The following SYNGR4 variants were observed in gnomAD, a reference collection of about 807,000 sequenced individuals.
SYNGR4 encodes the protein synaptogyrin 4.
A neutral mutation model predicts 15.5 loss-of-function variants in SYNGR4; 15 were observed. That is an observed-to-expected ratio of 0.97 (90% CI 0.65 to 1.49). The LOEUF is 1.49. Among genes scored for constraint, SYNGR4 ranks in the 40% most tolerant of loss-of-function variants. SYNGR4 has a pLI of 0.00. For missense variants in SYNGR4, 292 were observed against 299.3 expected (o/e 0.98, Z 0.18); for synonymous variants, 121 against 127.4 (o/e 0.95, Z 0.34).
Position 48,376,370 on chromosome 19 carries a change from T to C in SYNGR4, c.*52T>C, listed in dbSNP as rs529037807. ...AGAATCCTCCCTCCAGAAGGGTTTC[T>C]AAAAACAGCCCTCAGTCCTTCTCAT... On this transcript the variant is annotated 3_prime_UTR_variant, in exon 5 of 5. Transcript: ENST00000344846. 64 of 1,580,762 alleles carry C rather than the reference T, an allele frequency of 4.0e-5. No homozygotes were observed. The East Asian group carries it at 1.5e-3, about 36-fold the overall frequency.
chr19:48,376,082 C>G lies in SYNGR4; in HGVS notation c.472-3C>G. 6.2e-7 allele frequency: 1 copy of G among 1,614,210 alleles called. No individual in the cohort carries two copies. The highest frequency in any genetic ancestry group is 8.5e-7 in the Non-Finnish European group (1 of 1,180,044). On this transcript the variant is annotated splice_region_variant and splice_polypyrimidine_tract_variant and intron_variant, in intron 4 of 4. Transcript: ENST00000344846. Reference sequence around the variant, plus strand: ...CCTTCAGCACGCGCTTTTCTGCCCACAGATATTCCAGGCCTACCTGGCATT... The same window carrying G: ...CCTTCAGCACGCGCTTTTCTGCCCAGAGATATTCCAGGCCTACCTGGCATT...
chr19:48,376,369 C>T lies in SYNGR4; in HGVS notation c.*51C>T, dbSNP rs418035. On this transcript the variant is annotated 3_prime_UTR_variant, in exon 5 of 5. Transcript: ENST00000344846. ...GAGAATCCTCCCTCCAGAAGGGTTT[C>T]TAAAAACAGCCCTCAGTCCTTCTCA... The T allele has an allele frequency of 1.5e-5, 23 of 1,580,680 alleles. No individual in the cohort carries two copies. Among genetic ancestry groups the T allele is most frequent in the Non-Finnish European group, 2.0e-5 (23 of 1,165,466 alleles).
chr19:48,365,705 A>G, intron 1 of SYNGR4, 31 bp from the exon 2 acceptor site: 1 of 515,774 alleles, frequency 1.9e-6, no homozygotes, highest in Non-Finnish European at 2.9e-6. Context: ...CGTGCCCCTG[A>G]CTGGCATCCC....
At position 48,365,717 on chromosome 19, in the gene SYNGR4, C is replaced by A; in HGVS notation, c.-107-19C>A. The A allele has an allele frequency of 9.9e-7, 1 of 1,008,520 alleles. No homozygotes were observed. Among genetic ancestry groups the A allele is most frequent in the East Asian group, 2.5e-5 (1 of 40,010 alleles). 62.5% of individuals were successfully genotyped at this position (1,008,520 alleles called of 1,614,324 possible). On this transcript the variant is annotated intron_variant, in intron 1 of 4. Transcript: ENST00000344846. ...CCCCGTGCCCCTGACTGGCATCCCC[C>A]ATCTGTGTCATCCCACAGCAGCCAA...
In SYNGR4 at chr19:48,376,153, G is replaced by A. The variant is rs1332018703; in HGVS notation, c.540G>A (p.Leu180=). 2 of 1,614,086 alleles carry A rather than the reference G, an allele frequency of 1.2e-6. No individual in the cohort carries two copies. The highest frequency in any genetic ancestry group is 2.2e-5 in the South Asian group (2 of 91,084). The change falls in exon 5 of 5, where the codon CTG becomes CTA. Residue 180 remains leucine, a synonymous_variant. Transcript: ENST00000344846. ...CTCCAGTCCCTTACAAGCGCTTCCT[G>A]GATGAGGGTGGCATGGTGCTGACCA... is the stretch of plus-strand genomic sequence containing the variant. ...NDAPVPYKRF[L]DEGGMVLTTL... is the part of the protein sequence containing the mutation.
At chr19:48,365,669 T>G (rs1273364146) in intron 1 of SYNGR4, 67 bp from the exon 2 acceptor site, 3 of 63,786 alleles carry the variant, frequency 4.7e-5, no homozygotes, top group East Asian at 5.0e-4. Flanking sequence ...CCCCCAATCC[T>G]GGGGCCCCCA....
At chr19:48,367,314 T>C (rs981452738) in intron 2 of SYNGR4, among the ~76,000 whole-genome samples, 2 of 151,642 alleles carry the variant, frequency 1.3e-5, no homozygotes, top group Non-Finnish European at 2.9e-5. Flanking sequence ...GCGCCTGTGG[T>C]CCCAGCTACT....
At chr19:48,370,617 T>C (rs908708702) in intron 2 of SYNGR4, among the ~76,000 whole-genome samples, 19 of 152,228 alleles carry the variant, frequency 1.2e-4, no homozygotes, top group African/African-American at 4.1e-4. Context: ...TGGAGTGCAG[T>C]GGTGCGATCA....
At chr19:48,371,352 C>A (rs2097607405) in intron 2 of SYNGR4, among the ~76,000 whole-genome samples, 1 of 146,464 alleles carries the variant, frequency 6.8e-6, no homozygotes, top group Non-Finnish European at 1.5e-5. Flanking sequence ...TCCCCACCAC[C>A]CCATCTACAC....
At chr19:48,365,676 C>T in intron 1 of SYNGR4, 60 bp from the exon 2 acceptor site, 1 of 569,272 alleles carries the variant, frequency 1.8e-6, no homozygotes, top group South Asian at 2.0e-5. Flanking sequence ...TCCTGGGGCC[C>T]CCAACAGCCC....
chr19:48,365,237 C>T (rs1288434390), intron 1 of SYNGR4, among the ~76,000 whole-genome samples: 7 of 141,176 alleles, frequency 5.0e-5, no homozygotes, highest in Admixed American at 1.4e-4. Flanking sequence ...TCCTGGGACC[C>T]CCAGAAAGCT....
In SYNGR4 at chr19:48,376,088, T is replaced by A. The variant is rs1003788762; in HGVS notation, c.475T>A (p.Phe159Ile). ...FTFFSILVWI[F>I]QAYLAFQDLR... ...GCACGCGCTTTTCTGCCCACAGATA[T>A]TCCAGGCCTACCTGGCATTCCAGGA... The change falls in exon 5 of 5, where the codon TTC becomes ATC. Residue 159 changes from phenylalanine to isoleucine, a missense_variant. Coordinates refer to ENST00000344846, the MANE Select transcript of SYNGR4 (RefSeq NM_012451.4). The A allele has an allele frequency of 6.2e-7, 1 of 1,614,128 alleles. No homozygotes were observed. The highest frequency in any genetic ancestry group is 1.7e-5 in the Admixed American group (1 of 60,008).
chr19:48,376,042 C>A, intron 4 of SYNGR4, 43 bp from the exon 5 acceptor site: 1 of 1,613,764 alleles, frequency 6.2e-7, no homozygotes, highest in Non-Finnish European at 8.5e-7. Flanking sequence ...TCCTGACCTG[C>A]CCAGCCCAAG....
intron 2 of SYNGR4, among the ~76,000 whole-genome samples, chr19:48,367,306 G>A (rs915274257): frequency 5.3e-5 from 8 of 151,804 alleles, no homozygotes; most frequent in Admixed American, 2.6e-4. Context: ...GGTGGCAGGC[G>A]CCTGTGGTCC....
At position 48,365,748 on chromosome 19, in the gene SYNGR4, G is replaced by A. The variant is rs1470054220; in HGVS notation, c.-95G>A. ...TGTCATCCCACAGCAGCCAAGCCCA[G>A]GGCTGGCCTGAAGCCCCCGGACGGC... On this transcript the variant is annotated 5_prime_UTR_variant, in exon 2 of 5. Transcript: ENST00000344846. 35 of 1,236,352 alleles carry A rather than the reference G, an allele frequency of 2.8e-5. No homozygotes were observed. The highest frequency in any genetic ancestry group is 3.8e-5 in the Non-Finnish European group (34 of 885,334). The allele number at this position is 1,236,352 out of a possible 1,614,324, so 76.6% of individuals were successfully genotyped here.
At chr19:48,368,285 T>C (rs1970250445) in intron 2 of SYNGR4, among the ~76,000 whole-genome samples, 1 of 152,168 alleles carries the variant, frequency 6.6e-6, no homozygotes, top group African/African-American at 2.4e-5. Context: ...AATAATCTAC[T>C]CCTAGGAAGA....
Position 48,369,026 on chromosome 19 carries a change from T to C in SYNGR4, c.93+3091T>C, listed in dbSNP as rs150483452. On this transcript the variant is annotated intron_variant, in intron 2 of 4. Transcript: ENST00000344846. ...GGTGGCAAGGAGACGGAAGCCCAGC[T>C]GGTGTGGACTGGTGCGGGGAAGGAG... Among the ~76,000 whole-genome samples, 1,258 of 152,270 alleles carry C rather than the reference T, an allele frequency of 8.3e-3. 23 individuals are homozygous for C. Among genetic ancestry groups the C allele is most frequent in the African/African-American group, 0.029 (1,193 of 41,546 alleles).
chr19:48,367,161 G>A (rs1005718859), intron 2 of SYNGR4, among the ~76,000 whole-genome samples: 15 of 151,462 alleles, frequency 9.9e-5, no homozygotes, highest in African/African-American at 3.2e-4. Context: ...GGCTGGGCAC[G>A]GTGGCTCACA....
At chr19:48,375,385 A>G (rs1371222549) in intron 3 of SYNGR4, among the ~76,000 whole-genome samples, 4 of 152,176 alleles carry the variant, frequency 2.6e-5, no homozygotes, top group African/African-American at 4.8e-5. Flanking sequence ...CGGCTCCTGT[A>G]TTAGACAGCG....
Sources: allele counts gnomAD v4.1 joint callset (sites outside exome capture counted in the v4.1 genomes callset), GRCh38; gene constraint gnomAD v4.1.1; transcripts MANE v1.5; gene names NCBI Gene and HGNC (gene_info 2026-07-23, HGNC 2026-07-21).